The following RREB1 variants were observed in gnomAD, a reference collection of about 807,000 sequenced individuals.
The protein encoded by RREB1 is ras responsive element binding protein 1.
RREB1 carries 27 observed loss-of-function variants against 117.8 expected under a neutral mutation model. The observed-to-expected ratio is 0.23, with a 90% CI of 0.17 to 0.32. The LOEUF (loss-of-function observed/expected upper bound fraction) is 0.32. Among genes scored for constraint, RREB1 ranks in the 10% least tolerant of loss-of-function variants. The probability of loss-of-function intolerance (pLI) is 1.00; values close to 1 mark genes in which losing one functional copy is unlikely to be tolerated. For missense variants in RREB1, 2,577 were observed against 2,378.2 expected, an observed-to-expected ratio of 1.08 and a Z score of -1.74; for synonymous variants, 1,298 against 1,026.7, an observed-to-expected ratio of 1.26 and a Z score of -5.05.
chr6:7,191,598 T>G (rs892712662), intron 6 of RREB1, among the ~76,000 whole-genome samples: 1 of 152,224 alleles, frequency 6.6e-6, no homozygotes, highest in Non-Finnish European at 1.5e-5. Flanking sequence ...ACTAACTCGA[T>G]CTATGAACAT....
chr6:7,211,096 C>CTA, intron 7 of RREB1, 148 bp downstream of exon 7: 1 of 789,564 alleles, frequency 1.3e-6, no homozygotes, highest in Non-Finnish European at 2.0e-6. Context: ...TGTAAAGTGT[C>CTA]TAAGAAAAGA....
At chr6:7,203,884 A>G (rs1766125492) in intron 6 of RREB1, among the ~76,000 whole-genome samples, 1 of 152,180 alleles carries the variant, frequency 6.6e-6, no homozygotes, top group South Asian at 2.1e-4. Flanking sequence ...AATAAACGTC[A>G]GTATCAGCCG....
At chr6:7,119,370 G>A (rs982787428) in intron 1 of RREB1, among the ~76,000 whole-genome samples, 18 of 151,868 alleles carry the variant, frequency 1.2e-4, no homozygotes, top group East Asian at 1.9e-4. Flanking sequence ...AAAAGGACAC[G>A]TGTTCAGCAA....
At chr6:7,228,045 T>C (rs1767688501) in intron 9 of RREB1, among the ~76,000 whole-genome samples, 1 of 152,212 alleles carries the variant, frequency 6.6e-6, no homozygotes, top group African/African-American at 2.4e-5. Flanking sequence ...AGAGCGAGAC[T>C]CAGTCTCAAA....
At chr6:7,119,080 G>A (rs1209452197) in intron 1 of RREB1, among the ~76,000 whole-genome samples, 3 of 151,820 alleles carry the variant, frequency 2.0e-5, no homozygotes, top group African/African-American at 4.8e-5. Flanking sequence ...TGAAAGCCTC[G>A]TAGAGGATAT....
Position 7,230,480 on chromosome 6 carries a change from A to G in RREB1, c.2381A>G (p.Glu794Gly). The change falls in exon 10 of 13, where the codon GAG (glutamate) becomes GGG (glycine). Residue 794 changes from glutamate (E) to glycine (G), a missense_variant. Coordinates refer to ENST00000379938, the MANE Select transcript of RREB1 (RefSeq NM_001003699.4). ...HKGRKPFECK[E>G]CSAAFAAKRN... ...GGCCGCAAGCCCTTCGAGTGCAAGGAGTGCAGCGCCGCGTTCGCGGCCAAG... is the reference window on the plus strand; with the variant it reads ...GGCCGCAAGCCCTTCGAGTGCAAGGGGTGCAGCGCCGCGTTCGCGGCCAAG... 1 of 1,594,656 alleles carries G rather than the reference A, an allele frequency of 6.3e-7. No homozygotes were observed. The highest frequency in any genetic ancestry group is 8.5e-7 in the Non-Finnish European group (1 of 1,177,452).
chr6:7,131,481 C>T (rs1367836452), intron 1 of RREB1, among the ~76,000 whole-genome samples: 1 of 152,162 alleles, frequency 6.6e-6, no homozygotes, highest in African/African-American at 2.4e-5. Context: ...TAAAAGTTCA[C>T]TGTTATTTCT....
intron 6 of RREB1, among the ~76,000 whole-genome samples, chr6:7,191,217 TTTCA>T (rs1276292249): frequency 1.3e-5 from 2 of 150,466 alleles, no homozygotes; most frequent in African/African-American, 5.0e-5. Flanking sequence ...TGTATTCACT[TTTCA>T]TTTTTTTTTT....
At chr6:7,170,953 C>T (rs1195607056) in intron 1 of RREB1, among the ~76,000 whole-genome samples, 1 of 152,084 alleles carries the variant, frequency 6.6e-6, no homozygotes, top group Non-Finnish European at 1.5e-5. Flanking sequence ...GGGTTTCTGA[C>T]TCGGTAGGTC....
chr6:7,132,949 A>G (rs1306081629), intron 1 of RREB1, among the ~76,000 whole-genome samples: 1 of 152,214 alleles, frequency 6.6e-6, no homozygotes, highest in Non-Finnish European at 1.5e-5. Context: ...AACATGTTTA[A>G]TTAATGCAGT....
chr6:7,231,050 G>A lies in RREB1; in HGVS notation c.2951G>A (p.Gly984Glu). Reference sequence around the variant, plus strand: ...GGCCCTTCTCTTCCTGTAACTTTGGGGCCCAGCGGAATCCTGGAAAGCCCC... The same window carrying A: ...GGCCCTTCTCTTCCTGTAACTTTGGAGCCCAGCGGAATCCTGGAAAGCCCC... ...APGPSLPVTLGPSGILESPMA... is the reference protein window; with the variant it reads ...APGPSLPVTLEPSGILESPMA... The change falls in exon 10 of 13, where the codon GGG becomes GAG. Residue 984 changes from glycine (G) to glutamate (E), a missense_variant. Gly to Glu is a moderately conservative substitution (Grantham distance 98, BLOSUM62 -2). Transcript: ENST00000379938. 2.5e-6 allele frequency: 4 copies of A among 1,613,826 alleles called. No individual in the cohort carries two copies. The highest frequency in any genetic ancestry group is 1.7e-4 in the Middle Eastern group (1 of 6,054).
chr6:7,155,713 G>C (rs1258749281), intron 1 of RREB1, among the ~76,000 whole-genome samples: 1 of 152,256 alleles, frequency 6.6e-6, no homozygotes, highest in Non-Finnish European at 1.5e-5. Flanking sequence ...AGTTAGATGT[G>C]ATTTAATCTT....
In RREB1 at chr6:7,249,093, G is replaced by GAGAGAGAGAGAC. The variant is rs1769293451; in HGVS notation, c.*127_*138dup. The GAGAGAGAGAGAC allele has an allele frequency of 1.3e-6, 1 of 758,684 alleles. No individual in the cohort carries two copies. The highest frequency in any genetic ancestry group is 4.2e-4 in the Middle Eastern group (1 of 2,356). The allele number at this position is 758,684 out of a possible 1,614,324, so 47.0% of individuals were successfully genotyped here. On this transcript the variant is annotated 3_prime_UTR_variant, in exon 13 of 13. Coordinates refer to ENST00000379938, the MANE Select transcript of RREB1 (RefSeq NM_001003699.4). The stretch of plus-strand genomic sequence containing the variant: ...AGAGAGAGAGAGAGAGAGAGAGAGA[G>GAGAGAGAGAGAC]AGAGAGAGAGACAAGCAGGAGCGTG...
chr6:7,232,016 G>A, intron 10 of RREB1, 109 bp downstream of exon 10: 1 of 1,201,730 alleles, frequency 8.3e-7, no homozygotes, highest in Non-Finnish European at 1.2e-6. Context: ...GTTATTCCTA[G>A]CTTGGCTTCT....
chr6:7,122,996 G>C (rs1407954504), intron 1 of RREB1, among the ~76,000 whole-genome samples: 1 of 152,192 alleles, frequency 6.6e-6, no homozygotes, highest in Non-Finnish European at 1.5e-5. Flanking sequence ...GTTGGGTAAT[G>C]TGTTTTACCT....
Position 7,229,087 on chromosome 6 carries a change from T to C in RREB1, c.988T>C (p.Ser330Pro), listed in dbSNP as rs1767754244. The change falls in exon 10 of 13, where the codon TCA becomes CCA. Residue 330 changes from serine to proline, a missense_variant. Physicochemically the swap from Ser to Pro is moderately conservative, Grantham distance 74. Coordinates refer to ENST00000379938, the MANE Select transcript of RREB1 (RefSeq NM_001003699.4). The surrounding 1 kb of genome is among the most constrained non-coding windows in gnomAD (Gnocchi z 4.5). The stretch of plus-strand genomic sequence containing the variant: ...TGACAAGGCGTTCCCCATGCTCTGC[T>C]CACTGGCTCTGCACAAGCAGACCCA... Reference protein sequence around the residue: ...TCDKAFPMLCSLALHKQTHVA... With the variant: ...TCDKAFPMLCPLALHKQTHVA... 1 of 1,598,192 alleles carries C rather than the reference T, an allele frequency of 6.3e-7. No homozygotes were observed. Among genetic ancestry groups the C allele is most frequent in the Non-Finnish European group, 8.6e-7 (1 of 1,167,730 alleles).
intron 8 of RREB1, chr6:7,217,566 G>T (rs1766975112): frequency 6.6e-6 from 1 of 152,272 alleles, no homozygotes; most frequent in East Asian, 1.9e-4. Context: ...GAAGCCAGCC[G>T]GCTCCGTCCC....
At chr6:7,142,102 C>T (rs1361185086) in intron 1 of RREB1, among the ~76,000 whole-genome samples, 1 of 152,130 alleles carries the variant, frequency 6.6e-6, no homozygotes, top group Non-Finnish European at 1.5e-5. Context: ...GTGATCCCAG[C>T]TACTCAGGAG....
chr6:7,246,457 C>T lies in RREB1; in HGVS notation c.4007C>T (p.Ala1336Val), dbSNP rs2113197452. 2.6e-6 allele frequency: 4 copies of T among 1,509,530 alleles called. No individual in the cohort carries two copies. The highest frequency in any genetic ancestry group is 1.4e-5 in the African/African-American group (1 of 72,362). 93.5% of individuals were successfully genotyped at this position (1,509,530 alleles called of 1,614,324 possible). ...SQSDAETAAAAGEVLDLTSRD... is the reference protein window; with the variant it reads ...SQSDAETAAAVGEVLDLTSRD... Reference sequence around the variant, plus strand: ...TCGGATGCGGAGACTGCAGCCGCCGCGGGCGAAGTGCTAGACCTCACCTCA... The same window carrying T: ...TCGGATGCGGAGACTGCAGCCGCCGTGGGCGAAGTGCTAGACCTCACCTCA... Residue 1336 changes from alanine to valine, a missense_variant, in exon 12 of 13, where the codon GCG (alanine) becomes GTG (valine). Coordinates refer to ENST00000379938, the MANE Select transcript of RREB1 (RefSeq NM_001003699.4).
Sources: gnomAD v4.1 joint callset for allele counts (sites outside exome capture counted in the v4.1 genomes callset) on GRCh38, gnomAD v4.1.1 for gene constraint, Gnocchi (gnomAD v3.1) non-coding constraint, MANE v1.5 for transcripts, NCBI Gene and HGNC (gene_info 2026-07-23, HGNC 2026-07-21) for gene names.